The following CACNA1D variants were observed in gnomAD, a reference collection of about 807,000 sequenced individuals.
CACNA1D encodes the protein voltage-dependent L-type calcium channel subunit alpha-1D.
A neutral mutation model predicts 257.1 loss-of-function variants in CACNA1D; 55 were observed. That is an observed-to-expected ratio of 0.21 (90% confidence interval 0.17 to 0.27). The LOEUF is 0.27. Among genes scored for constraint, CACNA1D ranks in the 10% least tolerant of loss-of-function variants. The pLI, the probability that CACNA1D is intolerant of heterozygous loss-of-function variation, is 1.00. For synonymous variants in CACNA1D, 980 were observed against 1,014.9 expected (o/e 0.97, Z 0.65); for missense variants, 1,876 against 2,784.0 (o/e 0.67, Z 7.34).
chr3:53,807,378 G>A (rs1473159939), intron 45 of CACNA1D: 2 of 152,330 alleles, frequency 1.3e-5, no homozygotes, highest in African/African-American at 2.4e-5. Flanking sequence ...CTGGGCACGA[G>A]AGACCAGGAC....
chr3:53,767,084 C>T (rs567202227), intron 30 of CACNA1D, among the ~76,000 whole-genome samples: 2 of 152,174 alleles, frequency 1.3e-5, no homozygotes, highest in Non-Finnish European at 2.9e-5. Flanking sequence ...CAGAAAGAAC[C>T]CACTGTTCAG....
chr3:53,561,685 T>C (rs3774447), intron 3 of CACNA1D, among the ~76,000 whole-genome samples: 4,350 of 152,292 alleles, frequency 0.029, 145 homozygotes, highest in African/African-American at 0.075. Flanking sequence ...TCTCTTGATT[T>C]AGTGATAGCC....
At chr3:53,599,820 A>G (rs751453058) in intron 3 of CACNA1D, among the ~76,000 whole-genome samples, 14 of 152,192 alleles carry the variant, frequency 9.2e-5, no homozygotes, top group South Asian at 2.1e-4. Flanking sequence ...CAGTCACTGT[A>G]GGCCCAAGGA....
At chr3:53,610,667 T>C (rs547242113) in intron 3 of CACNA1D, among the ~76,000 whole-genome samples, 38 of 152,350 alleles carry the variant, frequency 2.5e-4, no homozygotes, top group African/African-American at 8.7e-4. Flanking sequence ...ATCTTGGTAC[T>C]TATTTTCTAT....
chr3:53,565,639 T>C (rs1391870394), intron 3 of CACNA1D, among the ~76,000 whole-genome samples: 1 of 152,214 alleles, frequency 6.6e-6, no homozygotes, highest in African/African-American at 2.4e-5. Context: ...ACTGAGGAAC[T>C]TCAAAAGGCA....
chr3:53,648,544 C>T (rs527832212), intron 3 of CACNA1D, among the ~76,000 whole-genome samples: 3 of 152,242 alleles, frequency 2.0e-5, no homozygotes, highest in South Asian at 4.1e-4. Context: ...CCAGCAGCCA[C>T]GCCTCGCATG....
intron 8 of CACNA1D, among the ~76,000 whole-genome samples, chr3:53,677,617 C>T (rs1340978007): frequency 1.3e-5 from 2 of 152,230 alleles, no homozygotes; most frequent in Non-Finnish European, 2.9e-5. Context: ...CCACACTTTA[C>T]ACACACATCA....
intron 8 of CACNA1D, among the ~76,000 whole-genome samples, chr3:53,701,411 C>T (rs1414734715): frequency 1.3e-5 from 2 of 152,192 alleles, no homozygotes; most frequent in Non-Finnish European, 2.9e-5. Context: ...GGATTACAGG[C>T]GTGAGCCACC....
At chr3:53,714,894 G>A (rs954100211) in intron 9 of CACNA1D, among the ~76,000 whole-genome samples, 1 of 152,036 alleles carries the variant, frequency 6.6e-6, no homozygotes, top group African/African-American at 2.4e-5. Flanking sequence ...TCCTATTGGG[G>A]CTAAAGGAAG....
At chr3:53,727,360 G>C (rs182007946) in intron 15 of CACNA1D, among the ~76,000 whole-genome samples, 265 of 152,256 alleles carry the variant, frequency 1.7e-3, no homozygotes, top group Non-Finnish European at 3.2e-3. Flanking sequence ...TATCATTATT[G>C]GGAGCTTAGG....
chr3:53,782,099 C>G (rs912091767), intron 39 of CACNA1D, among the ~76,000 whole-genome samples: 1 of 151,788 alleles, frequency 6.6e-6, no homozygotes, highest in Non-Finnish European at 1.5e-5. Context: ...CTTATCAAGA[C>G]TGAATTTACT....
intron 8 of CACNA1D, 83 bp from the exon 9 acceptor site, chr3:53,702,558 A>G (rs549053274): frequency 1.5e-6 from 2 of 1,319,916 alleles, no homozygotes; most frequent in East Asian, 2.3e-5. Context: ...TGCCCACAAG[A>G]CTGTTGTGCA....
chr3:53,697,606 T>C (rs930752711), intron 8 of CACNA1D, among the ~76,000 whole-genome samples: 13 of 152,176 alleles, frequency 8.5e-5, no homozygotes, highest in Non-Finnish European at 1.5e-4. Context: ...ACCCCAAGAA[T>C]AGAAATAGCA....
chr3:53,797,172 T>C (rs1576697579), intron 40 of CACNA1D, among the ~76,000 whole-genome samples: 1 of 152,338 alleles, frequency 6.6e-6, no homozygotes, highest in South Asian at 2.1e-4. Flanking sequence ...GCCTATGGAA[T>C]TTTGGGAGCA....
chr3:53,692,343 G>A (rs1045723294), intron 8 of CACNA1D, among the ~76,000 whole-genome samples: 9 of 152,224 alleles, frequency 5.9e-5, no homozygotes, highest in South Asian at 4.2e-4. Context: ...TGAGCCAGCC[G>A]AGTGGGATAG....
chr3:53,726,850 T>C (rs2094940211), intron 14 of CACNA1D, 29 bp from the exon 15 acceptor site: 2 of 1,614,164 alleles, frequency 1.2e-6, no homozygotes, highest in Non-Finnish European at 1.7e-6. Context: ...TGAATCCACC[T>C]GCTGGCTGAT....
intron 29 of CACNA1D, among the ~76,000 whole-genome samples, chr3:53,755,599 C>A (rs2095258784): frequency 6.6e-6 from 1 of 152,184 alleles, no homozygotes; most frequent in South Asian, 2.1e-4. Flanking sequence ...TAGTTTCACT[C>A]AGCAAGATAT....
At chr3:53,498,506 T>C (rs996598466) in intron 2 of CACNA1D, among the ~76,000 whole-genome samples, 1 of 152,162 alleles carries the variant, frequency 6.6e-6, no homozygotes, top group African/African-American at 2.4e-5. Context: ...AGTAAAGCAT[T>C]TCCTTTCCCC....
At chr3:53,627,804 G>A (rs1253912981) in intron 3 of CACNA1D, among the ~76,000 whole-genome samples, 1 of 152,078 alleles carries the variant, frequency 6.6e-6, no homozygotes, top group Non-Finnish European at 1.5e-5. Context: ...CCTGAGGTCA[G>A]GAGTTCGAGA....
Sources: allele counts gnomAD v4.1 joint callset (sites outside exome capture counted in the v4.1 genomes callset), GRCh38; gene constraint gnomAD v4.1.1; transcripts MANE v1.5; gene names NCBI Gene and HGNC (gene_info 2026-07-23, HGNC 2026-07-21).